SORCS1: variants seen among roughly 807,000 people sequenced by gnomAD.
SORCS1 encodes VPS10 domain-containing receptor SorCS1.
A neutral mutation model predicts 146.1 loss-of-function variants in SORCS1; 60 were observed. The observed-to-expected ratio is 0.41, with a 90% CI of 0.33 to 0.51. SORCS1 has a LOEUF of 0.51. SORCS1 is among the 20% of genes least tolerant of loss of function. SORCS1 has a pLI of 0.21. For synonymous variants in SORCS1, 637 were observed against 584.0 expected (o/e 1.09, Z -1.31); for missense variants, 1,352 against 1,487.6 (o/e 0.91, Z 1.50).
chr10:106,953,704 C>T (rs1044824396), intron 2 of SORCS1, among the ~76,000 whole-genome samples: 2 of 152,160 alleles, frequency 1.3e-5, no homozygotes, highest in Non-Finnish European at 2.9e-5. Flanking sequence ...CAAATCCATA[C>T]AGCATGTTAC....
At chr10:106,750,665 C>CTTGCAG (rs1199168390) in intron 5 of SORCS1, among the ~76,000 whole-genome samples, 3 of 114,440 alleles carry the variant, frequency 2.6e-5, no homozygotes, top group East Asian at 5.8e-4. Context: ...GGAGACGGAA[C>CTTGCAG]TTGCAGTGAG....
At chr10:106,806,512 T>C (rs910748417) in intron 3 of SORCS1, among the ~76,000 whole-genome samples, 1 of 104,594 alleles carries the variant, frequency 9.6e-6, no homozygotes, top group African/African-American at 3.7e-5. Context: ...AGCCTTTTTT[T>C]TTTTTTTTTT....
chr10:107,105,374 G>GAAGTTTATT (rs1366643734), intron 1 of SORCS1, among the ~76,000 whole-genome samples: 1 of 152,196 alleles, frequency 6.6e-6, no homozygotes, highest in African/African-American at 2.4e-5. Context: ...ATATATGAAG[G>GAAGTTTATT]AAGTTTATTA....
At chr10:106,735,078 G>A (rs1436231866) in intron 5 of SORCS1, among the ~76,000 whole-genome samples, 4 of 150,882 alleles carry the variant, frequency 2.7e-5, no homozygotes, top group Non-Finnish European at 5.9e-5. Context: ...CCCGGGAGGT[G>A]GAGGTTGCAG....
At chr10:106,829,403 T>A (rs924393501) in intron 3 of SORCS1, among the ~76,000 whole-genome samples, 171 bp downstream of exon 3, 2 of 152,180 alleles carry the variant, frequency 1.3e-5, no homozygotes, top group African/African-American at 4.8e-5. Context: ...CAGCTGCTGA[T>A]CTGAAAATTA....
chr10:106,914,171 T>G lies in SORCS1; in HGVS notation c.626+42342A>C, dbSNP rs114807664. ...AAGCAAACTATAAATGCCCAGAATT[T>G]ACAACATTTGCTGAAGGAAGGGAGG... On this transcript the variant is annotated intron_variant, in intron 2 of 25. Coordinates refer to ENST00000263054, the MANE Select transcript of SORCS1 (RefSeq NM_052918.5). Among the ~76,000 whole-genome samples the G allele has an allele frequency of 3.0e-3, 455 of 152,340 alleles. 2 individuals are homozygous for G. The highest frequency in any genetic ancestry group is 0.011 in the African/African-American group (446 of 41,574).
At chr10:106,646,955 C>T (rs1417385169) in intron 18 of SORCS1, among the ~76,000 whole-genome samples, 2 of 143,786 alleles carry the variant, frequency 1.4e-5, no homozygotes, top group Non-Finnish European at 3.0e-5. Context: ...CCTTGTTCAG[C>T]TTGTTTATGA....
chr10:106,642,465 T>C (rs541671156), intron 18 of SORCS1, among the ~76,000 whole-genome samples: 112 of 152,196 alleles, frequency 7.4e-4, no homozygotes, highest in African/African-American at 2.5e-3. Context: ...ATATCAGAAA[T>C]GGGGCAAGAC....
intron 1 of SORCS1, among the ~76,000 whole-genome samples, chr10:107,063,116 A>T (rs1312675498): frequency 6.6e-6 from 1 of 152,196 alleles, no homozygotes; most frequent in African/African-American, 2.4e-5. Flanking sequence ...ATATTCCTAC[A>T]TACATGCTTA....
At chr10:106,797,826 CCA>C (rs1267785286) in intron 3 of SORCS1, among the ~76,000 whole-genome samples, 1 of 152,078 alleles carries the variant, frequency 6.6e-6, no homozygotes, top group African/African-American at 2.4e-5. Flanking sequence ...CAGGGCAACC[CCA>C]GAGTGGCACA....
intron 2 of SORCS1, among the ~76,000 whole-genome samples, chr10:106,877,202 T>G (rs2137657099): frequency 6.6e-6 from 1 of 152,290 alleles, no homozygotes; most frequent in South Asian, 2.1e-4. Flanking sequence ...TCTCAAAAAT[T>G]CAGGGATCAA....
At chr10:106,791,755 T>G (rs560954905) in intron 3 of SORCS1, among the ~76,000 whole-genome samples, 6 of 152,194 alleles carry the variant, frequency 3.9e-5, no homozygotes, top group Non-Finnish European at 4.4e-5. Context: ...CACTACCAAG[T>G]GTTTTTCAGA....
intron 1 of SORCS1, among the ~76,000 whole-genome samples, chr10:106,982,912 T>C (rs1007547968): frequency 2.0e-5 from 3 of 152,022 alleles, no homozygotes; most frequent in Non-Finnish European, 4.4e-5. Flanking sequence ...TATTGAGAGC[T>C]TTTTGATACC....
chr10:107,061,398 A>C (rs1213048496), intron 1 of SORCS1, among the ~76,000 whole-genome samples: 1 of 152,194 alleles, frequency 6.6e-6, no homozygotes, highest in Non-Finnish European at 1.5e-5. Context: ...TTCTAGTAAT[A>C]GTTTAAAAAT....
At chr10:106,961,694 G>GC (rs1319778518) in intron 1 of SORCS1, among the ~76,000 whole-genome samples, 1 of 152,146 alleles carries the variant, frequency 6.6e-6, no homozygotes, top group African/African-American at 2.4e-5. Context: ...GCTCTCCTTA[G>GC]CGTAAGACAC....
chr10:106,732,475 C>A (rs1856668384), intron 5 of SORCS1, among the ~76,000 whole-genome samples: 1 of 152,164 alleles, frequency 6.6e-6, no homozygotes, highest in African/African-American at 2.4e-5. Context: ...GCTTGACAAG[C>A]CTCAATCCAG....
At chr10:106,636,143 T>C (rs2133628234) in intron 18 of SORCS1, among the ~76,000 whole-genome samples, 1 of 152,144 alleles carries the variant, frequency 6.6e-6, no homozygotes, top group Admixed American at 6.5e-5. Context: ...GACTATAGTC[T>C]CAGCACTTCA....
At chr10:106,769,484 C>CA (rs61628916) in intron 4 of SORCS1, among the ~76,000 whole-genome samples, 509 of 83,946 alleles carry the variant, frequency 6.1e-3, no homozygotes, top group East Asian at 0.012. Flanking sequence ...GACTCCGTCT[C>CA]AAAAAAAAAA....
At chr10:106,834,209 G>C (rs1948687892) in intron 2 of SORCS1, among the ~76,000 whole-genome samples, 1 of 152,194 alleles carries the variant, frequency 6.6e-6, no homozygotes, top group South Asian at 2.1e-4. Context: ...AGCTCTAAAA[G>C]AGCAGAGGAT....
Sources: gnomAD v4.1 joint callset for allele counts (sites outside exome capture counted in the v4.1 genomes callset) on GRCh38, gnomAD v4.1.1 for gene constraint, MANE v1.5 for transcripts, NCBI Gene and HGNC (gene_info 2026-07-23, HGNC 2026-07-21) for gene names.